IGF1R: variants seen among roughly 807,000 people sequenced by gnomAD.
IGF1R encodes insulin-like growth factor 1 receptor.
Under a neutral mutation model 144.6 loss-of-function variants are expected in IGF1R, and 44 were observed. The observed-to-expected ratio is 0.30, with a 90% CI of 0.24 to 0.39. IGF1R has a LOEUF of 0.39. Among genes scored for constraint, IGF1R ranks in the 10% least tolerant of loss-of-function variants. The pLI is 1.00. For synonymous variants in IGF1R, 795 were observed against 722.8 expected (o/e 1.10, Z -1.60); for missense variants, 1,355 against 1,833.7 (o/e 0.74, Z 4.77).
chr15:98,880,275 C>T (rs2013303277), intron 2 of IGF1R, among the ~76,000 whole-genome samples: 1 of 152,218 alleles, frequency 6.6e-6, no homozygotes, highest in Non-Finnish European at 1.5e-5. Context: ...TGACTTCTCT[C>T]TCTTTACCCT....
intron 3 of IGF1R, among the ~76,000 whole-genome samples, chr15:98,892,751 C>T (rs973514311): frequency 2.6e-5 from 4 of 152,228 alleles, no homozygotes; most frequent in African/African-American, 4.8e-5. Context: ...TTTAGGGGCT[C>T]ACGCCTGTAA....
chr15:98,771,414 T>G (rs760118833), intron 2 of IGF1R, among the ~76,000 whole-genome samples: 1 of 152,184 alleles, frequency 6.6e-6, no homozygotes, highest in African/African-American at 2.4e-5. Context: ...GTTCTCAGAT[T>G]CCTGTGAATA....
chr15:98,774,610 T>G (rs1344024442), intron 2 of IGF1R, among the ~76,000 whole-genome samples: 1 of 151,044 alleles, frequency 6.6e-6, no homozygotes, highest in Non-Finnish European at 1.5e-5. Context: ...GGACAAATAC[T>G]CTATGTGATT....
intron 1 of IGF1R, among the ~76,000 whole-genome samples, chr15:98,667,262 A>G (rs970546797): frequency 7.2e-5 from 11 of 152,322 alleles, no homozygotes; most frequent in Non-Finnish European, 1.5e-4. Context: ...TTATTTTTCC[A>G]GAAGAGAGAT....
At chr15:98,819,152 A>G (rs1002034469) in intron 2 of IGF1R, among the ~76,000 whole-genome samples, 3 of 151,838 alleles carry the variant, frequency 2.0e-5, no homozygotes, top group Non-Finnish European at 4.4e-5. Flanking sequence ...AGTTGAACAC[A>G]GCAGTGTAGG....
intron 2 of IGF1R, among the ~76,000 whole-genome samples, chr15:98,765,307 CCTTTT>C (rs145283582): frequency 0.017 from 2,021 of 116,136 alleles, 82 homozygotes; most frequent in African/African-American, 0.055. Flanking sequence ...CATGCCAACA[CCTTTT>C]TTTTTTTTTT....
intron 2 of IGF1R, among the ~76,000 whole-genome samples, chr15:98,745,587 G>C (rs544735421): frequency 6.6e-6 from 1 of 152,336 alleles, no homozygotes; most frequent in South Asian, 2.1e-4. Context: ...GTTTTGTTAT[G>C]ATGTCCTGAG....
At chr15:98,769,720 G>A (rs1172048509) in intron 2 of IGF1R, among the ~76,000 whole-genome samples, 4 of 152,206 alleles carry the variant, frequency 2.6e-5, no homozygotes, top group African/African-American at 7.2e-5. Context: ...CAGTTCCGTT[G>A]TACATTGTTG....
At chr15:98,815,578 A>G (rs2056678727) in intron 2 of IGF1R, among the ~76,000 whole-genome samples, 1 of 152,180 alleles carries the variant, frequency 6.6e-6, no homozygotes, top group Non-Finnish European at 1.5e-5. Flanking sequence ...GGAAGAGGTT[A>G]GGTGTGGGGG....
Position 98,753,335 on chromosome 15 carries a change from G to GC in IGF1R, c.640+45234dup, listed in dbSNP as rs536333580. On this transcript the variant is annotated intron_variant, in intron 2 of 20. Transcript: ENST00000650285. ...CTGCTCAAGCAATCCTCCCGCCTGA[G>GC]CCCCCCAAATAGCTGGGACCACAAG... 4.9e-5 allele frequency among the ~76,000 whole-genome samples: 7 copies of GC among 142,926 alleles called. No individual in the cohort carries two copies. The East Asian group carries it at 1.5e-3, about 30-fold the overall frequency. The allele number at this position is 142,926 out of a possible 152,430, so 93.8% of individuals were successfully genotyped here. A position where few individuals can be genotyped will look rare whatever the true frequency, so the allele number is the denominator to read the frequency against.
chr15:98,896,655 C>T lies in IGF1R; in HGVS notation c.954-102C>T, dbSNP rs998132045. 1.3e-5 allele frequency: 16 copies of T among 1,206,702 alleles called. No homozygotes were observed. In the Admixed American group the frequency reaches 2.8e-4, roughly 21 times the overall value. 74.7% of individuals were successfully genotyped at this position (1,206,702 alleles called of 1,614,324 possible). On this transcript the variant is annotated intron_variant, in intron 3 of 20. Transcript: ENST00000650285. ...TTCAAAACAGTTGCTTTTTCTAATG[C>T]ATGCTGTAATAACAATGAAAAGCAT... is the stretch of plus-strand genomic sequence containing the variant.
chr15:98,813,032 C>G (rs557132234), intron 2 of IGF1R, among the ~76,000 whole-genome samples: 4 of 152,170 alleles, frequency 2.6e-5, no homozygotes, highest in Non-Finnish European at 4.4e-5. Context: ...GGAAGCTTCT[C>G]GTCATCCCCC....
At chr15:98,936,198 C>A (rs2056381) in intron 17 of IGF1R, among the ~76,000 whole-genome samples, 1 of 152,148 alleles carries the variant, frequency 6.6e-6, no homozygotes, top group Non-Finnish European at 1.5e-5. Flanking sequence ...GTCCTGCTTA[C>A]GCTTTTGAAT....
At position 98,879,459 on chromosome 15, in the gene IGF1R, T is replaced by G. The variant is rs149861221; in HGVS notation, c.641-11866T>G. Among the ~76,000 whole-genome samples the G allele has an allele frequency of 2.0e-3, 312 of 152,306 alleles. 1 individual carries two copies. The highest frequency in any genetic ancestry group is 6.8e-3 in the Middle Eastern group (2 of 294). On this transcript the variant is annotated intron_variant, in intron 2 of 20. Transcript: ENST00000650285. Reference sequence around the variant, plus strand: ...GTAAAGATGAGGCACCTTCCACTGTTTTATTCTCCATCATTAGAGCACGTG... The same window carrying G: ...GTAAAGATGAGGCACCTTCCACTGTGTTATTCTCCATCATTAGAGCACGTG...
chr15:98,896,733 GA>G (rs774239358), intron 3 of IGF1R, 23 bp from the exon 4 acceptor site: 1 of 1,608,104 alleles, frequency 6.2e-7, no homozygotes, highest in Non-Finnish European at 8.5e-7. Flanking sequence ...GTGTGTTTTT[GA>G]TTTTTTTTTT....
At chr15:98,914,344 G>A (rs769149158) in intron 8 of IGF1R, among the ~76,000 whole-genome samples, 2 of 152,226 alleles carry the variant, frequency 1.3e-5, no homozygotes, top group Non-Finnish European at 2.9e-5. Context: ...AGTGGGTAAG[G>A]TGTTTTTAAA....
intron 2 of IGF1R, among the ~76,000 whole-genome samples, chr15:98,723,524 G>A (rs1351371025): frequency 6.6e-6 from 1 of 152,224 alleles, no homozygotes; most frequent in Non-Finnish European, 1.5e-5. Context: ...AGATAAAGTA[G>A]TGGGAAAAGG....
At chr15:98,770,619 A>G (rs1022158548) in intron 2 of IGF1R, among the ~76,000 whole-genome samples, 2 of 152,204 alleles carry the variant, frequency 1.3e-5, no homozygotes, top group Admixed American at 1.3e-4. Context: ...AGGGGAAGAC[A>G]TAGGTGTAGG....
intron 2 of IGF1R, among the ~76,000 whole-genome samples, chr15:98,718,507 G>T (rs1326923366): frequency 2.0e-5 from 3 of 152,206 alleles, no homozygotes; most frequent in African/African-American, 7.2e-5. Context: ...TGCAGAAGGT[G>T]GGGCTGAGGG....
Sources: allele counts gnomAD v4.1 joint callset (sites outside exome capture counted in the v4.1 genomes callset), GRCh38; gene constraint gnomAD v4.1.1; transcripts MANE v1.5; gene names NCBI Gene and HGNC (gene_info 2026-07-23, HGNC 2026-07-21).